The following RTTN variants were observed in gnomAD, a reference collection of about 807,000 sequenced individuals.
RTTN encodes the protein rotatin.
Under a neutral mutation model 269.2 loss-of-function variants are expected in RTTN, and 182 were observed. That is an observed-to-expected ratio of 0.68 (90% CI 0.60 to 0.76). RTTN has a LOEUF of 0.76. RTTN is among the 30% of genes least tolerant of loss of function. The pLI, the probability that RTTN is intolerant of heterozygous loss-of-function variation, is 0.00. For synonymous variants in RTTN, 1,006 were observed against 963.5 expected (o/e 1.04, Z -0.82); for missense variants, 2,545 against 2,608.6 (o/e 0.98, Z 0.53).
chr18:70,139,992 C>T, intron 20 of RTTN, 108 bp downstream of exon 20: 1 of 768,772 alleles, frequency 1.3e-6, no homozygotes. Flanking sequence ...GGAGGTGTTA[C>T]TTAGAATTTA....
rs556099878 is a variant in RTTN at position 70,204,079 on chromosome 18, G to A, written c.397+7C>T. ...ATATTTGTATTTAACAGATTCCAAA[G>A]AGTTACCAGTTTGATTGGTTTGGTA... On this transcript the variant is annotated splice_region_variant and intron_variant, in intron 3 of 48. Coordinates refer to ENST00000640769, the MANE Select transcript of RTTN (RefSeq NM_173630.4). The A allele has an allele frequency of 6.8e-5, 107 of 1,581,622 alleles. 2 individuals are homozygous for A. The South Asian group carries it at 1.2e-3, about 17-fold the overall frequency.
intron 30 of RTTN, among the ~76,000 whole-genome samples, chr18:70,091,135 T>C (rs1049367705): frequency 1.3e-5 from 2 of 152,186 alleles, no homozygotes; most frequent in Non-Finnish European, 2.9e-5. Context: ...AAATGACATT[T>C]AGATGAGATT....
intron 14 of RTTN, among the ~76,000 whole-genome samples, chr18:70,165,303 T>C (rs1215148051): frequency 6.6e-6 from 1 of 151,462 alleles, no homozygotes; most frequent in African/African-American, 2.4e-5. Context: ...TTAAAGATAA[T>C]ATTTATATAT....
chr18:70,087,885 C>T, intron 31 of RTTN, 104 bp downstream of exon 31: 2 of 1,176,074 alleles, frequency 1.7e-6, no homozygotes, highest in South Asian at 3.1e-5. Context: ...CAGAAGAGAT[C>T]ATGGTCAGTG....
intron 32 of RTTN, among the ~76,000 whole-genome samples, chr18:70,076,977 C>T (rs10782037): frequency 0.82 from 125,233 of 151,830 alleles, 55,000 homozygotes; most frequent in East Asian, 1. Context: ...CATACTTAAA[C>T]GTACAAAACA....
At chr18:70,152,940 T>C (rs1212128277) in intron 14 of RTTN, among the ~76,000 whole-genome samples, 2 of 151,860 alleles carry the variant, frequency 1.3e-5, no homozygotes, top group Non-Finnish European at 2.9e-5. Flanking sequence ...CATAGCTTTA[T>C]AATGTTTGGC....
At chr18:70,095,177 T>G (rs1036749271) in intron 28 of RTTN, among the ~76,000 whole-genome samples, 1 of 152,126 alleles carries the variant, frequency 6.6e-6, no homozygotes, top group Non-Finnish European at 1.5e-5. Context: ...ATCCCTTTAT[T>G]TCAAACTTAT....
chr18:70,079,048 G>C (rs1563961), intron 32 of RTTN, among the ~76,000 whole-genome samples: 125,411 of 152,032 alleles, frequency 0.82, 55,085 homozygotes, highest in East Asian at 0.98. Flanking sequence ...TAAATCCTTA[G>C]GTACTAAAGT....
intron 32 of RTTN, among the ~76,000 whole-genome samples, chr18:70,079,986 A>G (rs1204842113): frequency 6.6e-6 from 1 of 152,076 alleles, no homozygotes; most frequent in Non-Finnish European, 1.5e-5. Context: ...GCTATAATCC[A>G]AAGACTGTAA....
Position 70,078,778 on chromosome 18 carries a change from T to TA in RTTN, c.4375-3238dup, listed in dbSNP as rs1399172448. On this transcript the variant is annotated intron_variant, in intron 32 of 48. Coordinates refer to ENST00000640769, the MANE Select transcript of RTTN (RefSeq NM_173630.4). ...GAGACTGCAGATGAGAATGTAAACATAATCAACGCTCACAAAGCAAAAAGT... is the reference window on the plus strand; with the variant it reads ...GAGACTGCAGATGAGAATGTAAACATAAATCAACGCTCACAAAGCAAAAAGT... Among the ~76,000 whole-genome samples, 3 of 151,946 alleles carry TA rather than the reference T, an allele frequency of 2.0e-5. No individual in the cohort carries two copies. In the East Asian group the frequency reaches 5.8e-4, roughly 29 times the overall value.
At chr18:70,098,120 T>A (rs1344641324) in intron 28 of RTTN, among the ~76,000 whole-genome samples, 3 of 152,134 alleles carry the variant, frequency 2.0e-5, no homozygotes, top group Non-Finnish European at 2.9e-5. Flanking sequence ...ACTTTTAGGT[T>A]CACGGGTAAC....
chr18:70,040,795 T>C (rs568032504), intron 40 of RTTN, among the ~76,000 whole-genome samples: 4 of 152,212 alleles, frequency 2.6e-5, no homozygotes, highest in Admixed American at 6.5e-5. Context: ...CAGAGTAGAA[T>C]AAAACTGGAA....
At chr18:70,166,527 C>T (rs1349008837) in intron 13 of RTTN, 1 of 206,812 alleles carries the variant, frequency 4.8e-6, no homozygotes, top group Non-Finnish European at 9.5e-6. Flanking sequence ...TTAACCAATA[C>T]ACAGTCTTTT....
intron 10 of RTTN, among the ~76,000 whole-genome samples, chr18:70,183,812 A>T (rs1469376184): frequency 6.6e-6 from 1 of 152,196 alleles, no homozygotes; most frequent in East Asian, 1.9e-4. Flanking sequence ...TCTTGAGAAA[A>T]TGAAACTGCT....
At chr18:70,048,295 C>T (rs2057551307) in intron 39 of RTTN, 107 bp from the exon 40 acceptor site, 2 of 1,054,880 alleles carry the variant, frequency 1.9e-6, no homozygotes, top group Non-Finnish European at 2.7e-6. Flanking sequence ...ATCTAGATTA[C>T]CAACTTGTGT....
rs2058404413 is a variant in RTTN at position 70,075,490 on chromosome 18, C to T, written c.4426G>A (p.Ala1476Thr). 2 of 1,601,764 alleles carry T rather than the reference C, an allele frequency of 1.2e-6. No homozygotes were observed. The highest frequency in any genetic ancestry group is 1.7e-6 in the Non-Finnish European group (2 of 1,175,100). ...CAGTGATATAAAAGAGCCTGAAGGG[C>T]AGGTTTTCCAATGAGCGATAGGCCA... is the stretch of plus-strand genomic sequence containing the variant. The part of the protein sequence containing the change: ...DSGLSLIGKP[A>T]LQALLYHCHF... The change falls in exon 33 of 49, where the codon GCC becomes ACC. Residue 1476 changes from alanine to threonine, a missense_variant. Ala to Thr is a moderately conservative substitution (Grantham distance 58). Coordinates refer to ENST00000640769, the MANE Select transcript of RTTN (RefSeq NM_173630.4).
Position 70,051,374 on chromosome 18 carries a change from G to A in RTTN, c.5323+37C>T, listed in dbSNP as rs199953249. The A allele has an allele frequency of 7.7e-5, 121 of 1,569,510 alleles. 1 individual carries two copies. The South Asian group carries it at 1.4e-3, about 18-fold the overall frequency. ...GCAGAATCATTATCTCGTTTTATTA[G>A]CAGAAAGCCCCCAAGATTATGCAAG... On this transcript the variant is annotated intron_variant, in intron 39 of 48. Coordinates refer to ENST00000640769, the MANE Select transcript of RTTN (RefSeq NM_173630.4).
At chr18:70,035,699 A>AC (rs2057151774) in intron 40 of RTTN, among the ~76,000 whole-genome samples, 1 of 152,242 alleles carries the variant, frequency 6.6e-6, no homozygotes, top group Admixed American at 6.5e-5. Context: ...AAAAGCAAAA[A>AC]TTGACAAATG....
chr18:70,126,395 T>C (rs566465029), intron 25 of RTTN, among the ~76,000 whole-genome samples: 1 of 152,248 alleles, frequency 6.6e-6, no homozygotes, highest in East Asian at 1.9e-4. Flanking sequence ...AGTGTGCTGA[T>C]AAATATGTAA....
Sources: gnomAD v4.1 joint callset for allele counts (sites outside exome capture counted in the v4.1 genomes callset) on GRCh38, gnomAD v4.1.1 for gene constraint, MANE v1.5 for transcripts, NCBI Gene and HGNC (gene_info 2026-07-23, HGNC 2026-07-21) for gene names.